GLIS3: variants seen among roughly 807,000 people sequenced by gnomAD.
GLIS3 encodes the protein zinc finger protein GLIS3.
A neutral mutation model predicts 78.6 loss-of-function variants in GLIS3; 53 were observed. The observed-to-expected ratio is 0.67, with a 90% CI of 0.54 to 0.85. GLIS3 has a LOEUF of 0.85. GLIS3 is among the 40% of genes least tolerant of loss of function. The probability of loss-of-function intolerance (pLI) is 0.00; values close to 1 mark genes in which losing one functional copy is unlikely to be tolerated. For missense variants in GLIS3, 1,703 were observed against 1,231.1 expected (o/e 1.38, Z -5.74); for synonymous variants, 684 against 509.9 (o/e 1.34, Z -4.60).
At chr9:4,187,001 T>G (rs1009612242) in intron 2 of GLIS3, among the ~76,000 whole-genome samples, 5 of 152,216 alleles carry the variant, frequency 3.3e-5, no homozygotes, top group East Asian at 1.9e-4. Context: ...TTAGTTTAAT[T>G]AGATCCCATT....
chr9:4,282,712 C>T (rs1827666489), intron 2 of GLIS3, among the ~76,000 whole-genome samples: 1 of 152,106 alleles, frequency 6.6e-6, no homozygotes, highest in Non-Finnish European at 1.5e-5. Flanking sequence ...TCCATAATCC[C>T]AAGGGCCAAT....
rs1564115810 is a variant in GLIS3, at chr9:4,146,311, A to G, written c.389-20370T>C. 4.6e-5 allele frequency among the ~76,000 whole-genome samples: 7 copies of G among 152,236 alleles called. No homozygotes were observed. The South Asian group carries it at 1.4e-3, about 32-fold the overall frequency. On this transcript the variant is annotated intron_variant, in intron 2 of 10. Coordinates refer to ENST00000381971, the MANE Select transcript of GLIS3 (RefSeq NM_001042413.2). ...CGTTGAATATCTACTATAGTTCTAG[A>G]TAAGAAATTTGATAATTTATTCCTA... is the stretch of plus-strand genomic sequence containing the variant.
At chr9:3,859,720 A>G (rs1270674089) in intron 8 of GLIS3, among the ~76,000 whole-genome samples, 1 of 152,118 alleles carries the variant, frequency 6.6e-6, no homozygotes, top group East Asian at 1.9e-4. Flanking sequence ...CAGAGATTTC[A>G]CTGGACATGG....
the GLIS3 span, among the ~76,000 whole-genome samples, chr9:4,421,154 A>G: frequency 2.0e-5 from 3 of 152,200 alleles, no homozygotes; most frequent in Admixed American, 6.5e-5. Context: ...AATAATCTAC[A>G]TAGCAGTGGT....
chr9:4,435,395 G>A, the GLIS3 span, among the ~76,000 whole-genome samples: 1 of 152,260 alleles, frequency 6.6e-6, no homozygotes, highest in East Asian at 1.9e-4. Context: ...AGAGTTTCCG[G>A]GAGCTTAGCA....
rs1208647024 is a variant in GLIS3, at chr9:4,309,964, A to G, written n.392+437T>C. ...TGTGCTATATTTTCAAAGAAACCAA[A>G]TAAGACATGGTCCCTGAATCACTGT... On this transcript the variant is annotated intron_variant and non_coding_transcript_variant, in intron 3 of 4. Transcript: ENST00000471664. Among the ~76,000 whole-genome samples, 4 of 152,364 alleles carry G rather than the reference A, an allele frequency of 2.6e-5. 1 individual carries two copies. The highest frequency in any genetic ancestry group is 5.9e-5 in the Non-Finnish European group (4 of 68,026).
chr9:4,486,940 C>G, the GLIS3 span, among the ~76,000 whole-genome samples: 1 of 152,328 alleles, frequency 6.6e-6, no homozygotes, highest in South Asian at 2.1e-4. Context: ...TCAAGTGATA[C>G]TTCTGCCTCA....
At chr9:4,032,963 G>C (rs1372185929) in intron 4 of GLIS3, among the ~76,000 whole-genome samples, 2 of 151,794 alleles carry the variant, frequency 1.3e-5, no homozygotes, top group Non-Finnish European at 2.9e-5. Context: ...ACACCATTCT[G>C]CTGCCTCAGC....
intron 2 of GLIS3, among the ~76,000 whole-genome samples, chr9:4,340,082 G>A (rs1021783437): frequency 3.3e-5 from 5 of 151,576 alleles, no homozygotes; most frequent in Admixed American, 1.3e-4. Flanking sequence ...ATGTCCTCAC[G>A]GCTTGGCTTA....
Position 3,827,897 on chromosome 9 carries a change from TC to T in GLIS3, c.*374del. On this transcript the variant is annotated 3_prime_UTR_variant, in exon 11 of 11. Transcript: ENST00000381971. ...ATGCCTCTCGTAATTGAGGTCTTTT[TC>T]CCTGTTTGGAGTTTTCAGGTAGAGT... 1 of 320,268 alleles carries T rather than the reference TC, an allele frequency of 3.1e-6. No individual in the cohort carries two copies. The highest frequency in any genetic ancestry group is 6.1e-6 in the Non-Finnish European group (1 of 164,372). 19.8% of individuals were successfully genotyped at this position (320,268 alleles called of 1,614,324 possible).
intron 1 of GLIS3, among the ~76,000 whole-genome samples, chr9:4,292,185 G>C (rs540804041): frequency 1.3e-5 from 2 of 152,286 alleles, no homozygotes; most frequent in Admixed American, 6.5e-5. Context: ...TTTCAAACTG[G>C]ATTGCAATTC....
intron 2 of GLIS3, among the ~76,000 whole-genome samples, chr9:4,183,246 T>C (rs1019834443): frequency 2.0e-5 from 3 of 152,148 alleles, no homozygotes; most frequent in Non-Finnish European, 4.4e-5. Flanking sequence ...CATAGAACTT[T>C]AAGGAGAAAT....
intron 2 of GLIS3, among the ~76,000 whole-genome samples, chr9:4,247,890 C>G (rs1823949237): frequency 6.6e-6 from 1 of 152,082 alleles, no homozygotes; most frequent in Non-Finnish European, 1.5e-5. Context: ...TTCATTGATA[C>G]TTTTGTGGTG....
intron 2 of GLIS3, among the ~76,000 whole-genome samples, chr9:4,285,200 A>G (rs2130331105): frequency 6.6e-6 from 1 of 152,364 alleles, no homozygotes; most frequent in East Asian, 1.9e-4. Context: ...GCTATTTTAT[A>G]CAGCAAAGCT....
intron 7 of GLIS3, among the ~76,000 whole-genome samples, chr9:3,886,806 C>T (rs1478910234): frequency 1.3e-5 from 2 of 152,196 alleles, no homozygotes; most frequent in Non-Finnish European, 2.9e-5. Flanking sequence ...AAGGAAAATG[C>T]CCTGTCAGGG....
At chr9:4,149,106 A>G (rs919887142) in intron 2 of GLIS3, among the ~76,000 whole-genome samples, 3 of 152,200 alleles carry the variant, frequency 2.0e-5, no homozygotes, top group African/African-American at 7.2e-5. Flanking sequence ...AACTTGTACT[A>G]TTACAGCTGC....
upstream of GLIS3, among the ~76,000 whole-genome samples, chr9:4,304,922 A>G (rs1454671831): frequency 5.9e-5 from 9 of 152,168 alleles, no homozygotes; most frequent in African/African-American, 1.9e-4. Context: ...GGAAGAGTGT[A>G]ATTTTATTGT....
At chr9:4,408,616 A>G in the GLIS3 span, among the ~76,000 whole-genome samples, 1 of 144,792 alleles carries the variant, frequency 6.9e-6, no homozygotes, top group South Asian at 2.3e-4. Flanking sequence ...AGTCCCAGGT[A>G]CTCGGGAGGC....
intron 4 of GLIS3, among the ~76,000 whole-genome samples, chr9:4,033,880 A>G (rs1374428551): frequency 2.0e-5 from 3 of 150,722 alleles, no homozygotes; most frequent in Non-Finnish European, 4.4e-5. Context: ...AAAAAAAAAA[A>G]AAAAAAAAAA....
Sources: gnomAD v4.1 joint callset for allele counts (sites outside exome capture counted in the v4.1 genomes callset) on GRCh38, gnomAD v4.1.1 for gene constraint, MANE v1.5 for transcripts, NCBI Gene and HGNC (gene_info 2026-07-23, HGNC 2026-07-21) for gene names.